The following THSD7A variants were observed in gnomAD, a reference collection of about 807,000 sequenced individuals.
THSD7A encodes the protein thrombospondin type-1 domain-containing protein 7A.
Under a neutral mutation model 231.3 loss-of-function variants are expected in THSD7A, and 96 were observed. The ratio of observed to expected loss-of-function variants is 0.41; its 90% confidence interval spans 0.35 to 0.49. The LOEUF (loss-of-function observed/expected upper bound fraction) is 0.49. Ranked by LOEUF, THSD7A falls within the 20% of genes least tolerant of loss-of-function variation. The pLI is 0.05. For synonymous variants in THSD7A, 940 were observed against 743.3 expected (o/e 1.26, Z -4.30); for missense variants, 2,290 against 2,070.2 (o/e 1.11, Z -2.06).
chr7:11,523,919 TTAGAATAAATTAC>T (rs1788370044), intron 6 of THSD7A, among the ~76,000 whole-genome samples: 1 of 152,152 alleles, frequency 6.6e-6, no homozygotes, highest in African/African-American at 2.4e-5. Context: ...ATATGGTTCC[TTAGAATAAATTAC>T]TAGACATGGT....
chr7:11,721,765 AT>A (rs1781362423), intron 1 of THSD7A, among the ~76,000 whole-genome samples: 1 of 151,842 alleles, frequency 6.6e-6, no homozygotes, highest in Admixed American at 6.6e-5. Context: ...TGATTTTTAC[AT>A]TTGTATTTTA....
At chr7:11,409,740 A>C (rs902693044) in intron 19 of THSD7A, among the ~76,000 whole-genome samples, 1 of 151,794 alleles carries the variant, frequency 6.6e-6, no homozygotes, top group African/African-American at 2.4e-5. Context: ...CTTCATTAAT[A>C]CTGATGTTCT....
intron 1 of THSD7A, among the ~76,000 whole-genome samples, chr7:11,639,388 G>A (rs551891136): frequency 6.6e-6 from 1 of 152,192 alleles, no homozygotes; most frequent in African/African-American, 2.4e-5. Context: ...GTTGTGATTG[G>A]GCCGGGCGCT....
chr7:11,534,785 C>G (rs751981090), intron 6 of THSD7A, among the ~76,000 whole-genome samples: 1 of 152,194 alleles, frequency 6.6e-6, no homozygotes, highest in Non-Finnish European at 1.5e-5. Context: ...AGGAATGCAT[C>G]TGTTGGGTTT....
At chr7:11,755,959 G>A (rs1159462341) in intron 1 of THSD7A, among the ~76,000 whole-genome samples, 1 of 151,944 alleles carries the variant, frequency 6.6e-6, no homozygotes, top group African/African-American at 2.4e-5. Context: ...TGAAAAGATT[G>A]CCACTTTGAA....
At chr7:11,605,863 C>T (rs1053713348) in intron 2 of THSD7A, among the ~76,000 whole-genome samples, 4 of 152,236 alleles carry the variant, frequency 2.6e-5, no homozygotes, top group African/African-American at 9.6e-5. Flanking sequence ...GCTGCTGGCA[C>T]ACACTGCCCC....
chr7:11,451,144 A>G (rs1157062647), intron 11 of THSD7A, among the ~76,000 whole-genome samples: 1 of 152,016 alleles, frequency 6.6e-6, no homozygotes, highest in African/African-American at 2.4e-5. Context: ...AAATAAGAGA[A>G]GTTTCTTCAA....
In THSD7A at chr7:11,411,149, G is replaced by A; in HGVS notation, c.3798+58C>T. On this transcript the variant is annotated intron_variant, in intron 19 of 27. Transcript: ENST00000423059. This position sits in a 1 kb window ranked among gnomAD's most constrained non-coding sequence, Gnocchi z 4.1. ...GAGCACGGGTCACTTGGCTCAGCAT[G>A]AATTGAAATTATTAGGGAAGAATTT... 7.4e-7 allele frequency: 1 copy of A among 1,353,344 alleles called. No homozygotes were observed. Among genetic ancestry groups the A allele is most frequent in the Non-Finnish European group, 1.0e-6 (1 of 955,974 alleles). The allele number at this position is 1,353,344 out of a possible 1,614,324, so 83.8% of individuals were successfully genotyped here.
chr7:11,580,129 A>C (rs1791093111), intron 4 of THSD7A, among the ~76,000 whole-genome samples: 1 of 152,176 alleles, frequency 6.6e-6, no homozygotes, highest in African/African-American at 2.4e-5. Context: ...CTGCATGGTA[A>C]AATCAACTCT....
intron 1 of THSD7A, among the ~76,000 whole-genome samples, chr7:11,777,414 TACAC>T (rs66487858): frequency 0.031 from 4,583 of 147,144 alleles, 98 homozygotes; most frequent in Admixed American, 0.073. Flanking sequence ...GTAAATTAAG[TACAC>T]ACACACACAC....
chr7:11,695,920 G>A (rs1489248865), intron 1 of THSD7A, among the ~76,000 whole-genome samples: 1 of 151,526 alleles, frequency 6.6e-6, no homozygotes, highest in Non-Finnish European at 1.5e-5. Flanking sequence ...TAGGGAGATA[G>A]GAGGCTATTG....
rs1240877152 is a variant in THSD7A at position 11,486,813 on chromosome 7, T to C, written c.1823-4831A>G. Among the ~76,000 whole-genome samples the C allele has an allele frequency of 2.0e-5, 3 of 152,326 alleles. No individual in the cohort carries two copies. In the East Asian group the frequency reaches 5.8e-4, roughly 29 times the overall value. On this transcript the variant is annotated intron_variant, in intron 6 of 27. Transcript: ENST00000423059. The stretch of plus-strand genomic sequence containing the variant: ...TTCTCACCCACAAAGGTCTAGGCAT[T>C]ATAAACAAACCTGCCAAAATACAGA...
At position 11,593,543 on chromosome 7, in the gene THSD7A, C is replaced by A. The variant is rs184057691; in HGVS notation, c.1023-41G>T. On this transcript the variant is annotated intron_variant, in intron 2 of 27. Coordinates refer to ENST00000423059, the MANE Select transcript of THSD7A (RefSeq NM_015204.3). ...GATATTCTCATTACAGACTCACAGG[C>A]AGTTATGAACTTTGTCTTCTACGCT... The A allele has an allele frequency of 2.5e-6, 4 of 1,593,358 alleles. No individual in the cohort carries two copies. The South Asian group carries it at 4.5e-5, about 18-fold the overall frequency.
intron 6 of THSD7A, among the ~76,000 whole-genome samples, chr7:11,509,921 C>T (rs1583875738): frequency 6.6e-6 from 1 of 150,710 alleles, no homozygotes; most frequent in South Asian, 2.1e-4. Context: ...GTTCTCACCA[C>T]AAATAAATGA....
chr7:11,627,342 T>C (rs1327613113), intron 2 of THSD7A, among the ~76,000 whole-genome samples: 1 of 152,026 alleles, frequency 6.6e-6, no homozygotes, highest in Admixed American at 6.6e-5. Flanking sequence ...AATTCATACA[T>C]ATAAATATAT....
intron 2 of THSD7A, among the ~76,000 whole-genome samples, chr7:11,619,402 CT>C (rs10706554): frequency 0.083 from 10,626 of 127,652 alleles, 791 homozygotes; most frequent in African/African-American, 0.26. Flanking sequence ...TCTTACTGTA[CT>C]TTTTTTTTTT....
rs770111046 is a variant in THSD7A, at chr7:11,417,618, A to C, written c.3384-15T>G. On this transcript the variant is annotated splice_polypyrimidine_tract_variant and intron_variant, in intron 16 of 27. Transcript: ENST00000423059. Reference sequence around the variant, plus strand: ...TCTGCATGCATCTAGAAAAGAACATAAACATATTCTAGAAAATATACATAC... The same window carrying C: ...TCTGCATGCATCTAGAAAAGAACATCAACATATTCTAGAAAATATACATAC... The C allele has an allele frequency of 3.1e-6, 5 of 1,593,412 alleles. No homozygotes were observed. The highest frequency in any genetic ancestry group is 1.9e-5 in the Admixed American group (1 of 53,508).
chr7:11,612,113 C>G (rs1439379877), intron 2 of THSD7A, among the ~76,000 whole-genome samples: 2 of 152,134 alleles, frequency 1.3e-5, no homozygotes, highest in Non-Finnish European at 2.9e-5. Flanking sequence ...TTCTGGGATT[C>G]CGTGTCCCTC....
At chr7:11,442,965 A>G (rs774696868) in intron 13 of THSD7A, among the ~76,000 whole-genome samples, 2 of 152,048 alleles carry the variant, frequency 1.3e-5, no homozygotes, top group East Asian at 1.9e-4. Flanking sequence ...CTGTGAGTTG[A>G]CAATACTAAA....
Sources: gnomAD v4.1 joint callset for allele counts (sites outside exome capture counted in the v4.1 genomes callset) on GRCh38, gnomAD v4.1.1 for gene constraint, Gnocchi (gnomAD v3.1) non-coding constraint, MANE v1.5 for transcripts, NCBI Gene and HGNC (gene_info 2026-07-23, HGNC 2026-07-21) for gene names.